MAP2K6: variants seen among roughly 807,000 people sequenced by gnomAD.
MAP2K6 encodes dual specificity mitogen-activated protein kinase kinase 6.
Under a neutral mutation model 53.7 loss-of-function variants are expected in MAP2K6, and 16 were observed. That is an observed-to-expected ratio of 0.30 (90% CI 0.20 to 0.45). The LOEUF is 0.45. Ranked by LOEUF, MAP2K6 falls within the 20% of genes least tolerant of loss-of-function variation. The pLI is 1.00. For missense variants in MAP2K6, 204 were observed against 411.9 expected, an observed-to-expected ratio of 0.50 and a Z score of 4.37; for synonymous variants, 132 against 143.1, an observed-to-expected ratio of 0.92 and a Z score of 0.55.
intron 1 of MAP2K6, among the ~76,000 whole-genome samples, chr17:69,418,310 G>A (rs1905969020): frequency 6.6e-6 from 1 of 152,108 alleles, no homozygotes; most frequent in Non-Finnish European, 1.5e-5. Context: ...TTTAATGTTG[G>A]AGAAAAGAGT....
chr17:69,441,375 T>G (rs1906814334), intron 1 of MAP2K6, among the ~76,000 whole-genome samples: 1 of 152,228 alleles, frequency 6.6e-6, no homozygotes, highest in African/African-American at 2.4e-5. Context: ...GTCTTCAAAT[T>G]TATTGATTCT....
At chr17:69,467,779 G>GT (rs796087740) in intron 1 of MAP2K6, among the ~76,000 whole-genome samples, 2,390 of 148,526 alleles carry the variant, frequency 0.016, 44 homozygotes, top group African/African-American at 0.054. Flanking sequence ...TTAGTTTCGT[G>GT]TTTTTTTTTT....
intron 1 of MAP2K6, among the ~76,000 whole-genome samples, chr17:69,464,613 C>T (rs12450950): frequency 6.6e-6 from 1 of 152,090 alleles, no homozygotes; most frequent in Non-Finnish European, 1.5e-5. Flanking sequence ...AACTCCTGAC[C>T]TCAAGTGATC....
At chr17:69,454,822 AAGATAT>A (rs2145162978) in intron 1 of MAP2K6, among the ~76,000 whole-genome samples, 1 of 152,360 alleles carries the variant, frequency 6.6e-6, no homozygotes, top group East Asian at 1.9e-4. Flanking sequence ...AATTCATTTG[AAGATAT>A]AGATATGGGT....
At chr17:69,512,764 T>C (rs1224698996) in intron 2 of MAP2K6, among the ~76,000 whole-genome samples, 1 of 152,132 alleles carries the variant, frequency 6.6e-6, no homozygotes, top group East Asian at 1.9e-4. Flanking sequence ...CCTCTGAGAG[T>C]TGTAAAAATT....
intron 1 of MAP2K6, among the ~76,000 whole-genome samples, chr17:69,435,684 CT>C (rs1160531405): frequency 2.6e-5 from 4 of 151,356 alleles, no homozygotes; most frequent in African/African-American, 9.7e-5. Flanking sequence ...ATTTTCTTTT[CT>C]TTTTTAGACA....
chr17:69,430,932 G>T (rs371048710), intron 1 of MAP2K6, among the ~76,000 whole-genome samples: 1 of 152,308 alleles, frequency 6.6e-6, no homozygotes, highest in South Asian at 2.1e-4. Flanking sequence ...GATGTAGAGC[G>T]ACTCACTCAG....
intron 1 of MAP2K6, among the ~76,000 whole-genome samples, chr17:69,469,905 A>G (rs929824667): frequency 6.6e-6 from 1 of 152,094 alleles, no homozygotes; most frequent in Admixed American, 6.5e-5. Context: ...TAGAAAGTAG[A>G]AACAATGGGC....
intron 1 of MAP2K6, among the ~76,000 whole-genome samples, chr17:69,445,612 T>C (rs182776243): frequency 4.6e-5 from 7 of 152,362 alleles, no homozygotes; most frequent in Admixed American, 6.5e-5. Flanking sequence ...TGACTACCAG[T>C]TGGTGAACCC....
chr17:69,419,033 C>G (rs1467164201), intron 1 of MAP2K6, among the ~76,000 whole-genome samples: 1 of 152,084 alleles, frequency 6.6e-6, no homozygotes, highest in Non-Finnish European at 1.5e-5. Flanking sequence ...ATTTTACACA[C>G]TATATATTGT....
chr17:69,516,797 G>A, intron 2 of MAP2K6, 58 bp from the exon 3 acceptor site: 1 of 1,268,008 alleles, frequency 7.9e-7, no homozygotes, highest in Non-Finnish European at 1.1e-6. Context: ...TGTGATTTGG[G>A]AAGGACATAA....
chr17:69,444,093 A>G (rs1040290217), intron 1 of MAP2K6, among the ~76,000 whole-genome samples: 3 of 152,206 alleles, frequency 2.0e-5, no homozygotes, highest in African/African-American at 7.2e-5. Context: ...GCTTCCATAT[A>G]AAAGGTCTGA....
intron 1 of MAP2K6, chr17:69,434,600 A>T (rs1167423618): frequency 6.6e-6 from 1 of 152,194 alleles, no homozygotes; most frequent in Non-Finnish European, 1.5e-5. Context: ...GTGCAGGAAA[A>T]TGCACCAAGG....
intron 10 of MAP2K6, among the ~76,000 whole-genome samples, chr17:69,529,227 A>G (rs1273173916): frequency 2.0e-5 from 3 of 152,192 alleles, no homozygotes; most frequent in Admixed American, 6.5e-5. Context: ...GGAGGGGCCA[A>G]GATACTAATA....
chr17:69,420,352 A>G (rs1296109303), intron 1 of MAP2K6, among the ~76,000 whole-genome samples: 1 of 152,184 alleles, frequency 6.6e-6, no homozygotes, highest in Non-Finnish European at 1.5e-5. Context: ...TTCCTGTGCA[A>G]TGCCTAATCA....
At chr17:69,509,555 G>A (rs191577127) in intron 2 of MAP2K6, among the ~76,000 whole-genome samples, 5 of 152,168 alleles carry the variant, frequency 3.3e-5, no homozygotes, top group Non-Finnish European at 7.4e-5. Flanking sequence ...AAACAGTCAT[G>A]GCATCTGTAA....
chr17:69,532,732 C>T lies in MAP2K6; in HGVS notation c.882-3383C>T, dbSNP rs533379865. ...TAATTTAATAAACAGCCTTGCTTTG[C>T]GGTGTAAGTATTTTCCATCTATATT... On this transcript the variant is annotated intron_variant, in intron 10 of 11. Coordinates refer to ENST00000590474, the MANE Select transcript of MAP2K6 (RefSeq NM_002758.4). Among the ~76,000 whole-genome samples, 14 of 152,170 alleles carry T rather than the reference C, an allele frequency of 9.2e-5. No individual in the cohort carries two copies. In the East Asian group the frequency reaches 1.7e-3, roughly 19 times the overall value.
At chr17:69,474,237 A>G (rs1908067007) in intron 1 of MAP2K6, among the ~76,000 whole-genome samples, 1 of 152,222 alleles carries the variant, frequency 6.6e-6, no homozygotes, top group Non-Finnish European at 1.5e-5. Flanking sequence ...GGGCATGTAC[A>G]AAGTGCTGAG....
At chr17:69,416,961 A>C (rs1233237557) in intron 1 of MAP2K6, among the ~76,000 whole-genome samples, 2 of 152,192 alleles carry the variant, frequency 1.3e-5, no homozygotes, top group African/African-American at 4.8e-5. Context: ...AAGCCAAAGG[A>C]GATATTAGCA....
Sources: allele counts gnomAD v4.1 joint callset (sites outside exome capture counted in the v4.1 genomes callset), GRCh38; gene constraint gnomAD v4.1.1; transcripts MANE v1.5; gene names NCBI Gene and HGNC (gene_info 2026-07-23, HGNC 2026-07-21).